F12: variants seen among roughly 807,000 people sequenced by gnomAD.
The protein encoded by F12 is Hageman factor.
Under a neutral mutation model 74.8 loss-of-function variants are expected in F12, and 70 were observed. That is an observed-to-expected ratio of 0.94 (90% CI 0.77 to 1.14). The LOEUF (loss-of-function observed/expected upper bound fraction) is 1.14, where lower values mean the gene tolerates loss of function less well. Among genes scored for constraint, F12 ranks in the 50% most tolerant of loss-of-function variants. The probability of loss-of-function intolerance (pLI) is 0.00; values close to 1 mark genes in which losing one functional copy is unlikely to be tolerated. For synonymous variants in F12, 373 were observed against 356.4 expected (o/e 1.05, Z -0.52); for missense variants, 811 against 835.7 (o/e 0.97, Z 0.36).
At chr5:177,408,792 G>A (rs922043158) in intron 2 of F12, among the ~76,000 whole-genome samples, 22 of 152,262 alleles carry the variant, frequency 1.4e-4, no homozygotes, top group Non-Finnish European at 2.2e-4. Context: ...AACTGAGGAA[G>A]GCTGGCAGGA....
In F12 at chr5:177,404,332, C is replaced by G; in HGVS notation, c.882G>C (p.Gln294His). 1 of 1,610,342 alleles carries G rather than the reference C, an allele frequency of 6.2e-7. No individual in the cohort carries two copies. The highest frequency in any genetic ancestry group is 1.3e-5 in the African/African-American group (1 of 74,988). ...GCGCCGCCTGGGTTGGGGTCTGGCACTGTGCCAGGTCGCAGTACTCCCAGC... is the reference window on the plus strand; with the variant it reads ...GCGCCGCCTGGGTTGGGGTCTGGCAGTGTGCCAGGTCGCAGTACTCCCAGC... ...RLSWEYCDLA[Q>H]CQTPTQAAPP... is the part of the protein sequence containing the mutation. Residue 294 changes from glutamine to histidine, a missense_variant, in exon 9 of 14, where the codon CAG becomes CAC. By Grantham distance (24) the Gln-to-His change is conservative. Transcript: ENST00000253496.
Position 177,402,397 on chromosome 5 carries a change from T to C in F12, c.1743A>G (p.Gln581=). The part of the protein sequence containing the change: ...DQAAERRLTL[Q]GIISWGSGCG... ...AGCCCGATCCCCAGCTGATGATGCC[T>C]TGCAGGGTGAGCCGGCGCTCTGCAG... Residue 581 remains glutamine, a synonymous_variant, in exon 14 of 14, where the codon CAA becomes CAG. Transcript: ENST00000253496. The C allele has an allele frequency of 6.2e-7, 1 of 1,613,420 alleles. No homozygotes were observed.
Position 177,402,287 on chromosome 5 carries a change from AG to A in F12, c.*4del, listed in dbSNP as rs1195888671. 1.2e-6 allele frequency: 2 copies of A among 1,613,586 alleles called. No homozygotes were observed. The highest frequency in any genetic ancestry group is 2.2e-5 in the South Asian group (2 of 91,032). On this transcript the variant is annotated 3_prime_UTR_variant, in exon 14 of 14. Coordinates refer to ENST00000253496, the MANE Select transcript of F12 (RefSeq NM_000505.4). ...CCAAGGAGGGAAAGATGAGTCCCTG[AG>A]CAATCAGGAAACGGTGTGCTCCCGG...
intron 1 of F12, 130 bp downstream of exon 1, chr5:177,409,341 G>T: frequency 8.7e-7 from 1 of 1,153,678 alleles, no homozygotes; most frequent in Non-Finnish European, 1.3e-6. Context: ...CTTCCGGGCT[G>T]GCCTCACCTT....
intron 12 of F12, 36 bp from the exon 13 acceptor site, chr5:177,402,734 G>A: frequency 6.2e-7 from 1 of 1,608,348 alleles, no homozygotes; most frequent in Non-Finnish European, 8.5e-7. Flanking sequence ...CACCCCATCT[G>A]ACAACGCTTG....
Position 177,404,532 on chromosome 5 carries a change from C to T in F12, c.767G>A (p.Arg256Gln), listed in dbSNP as rs754431650. 13 of 1,599,424 alleles carry T rather than the reference C, an allele frequency of 8.1e-6. No homozygotes were observed. Among genetic ancestry groups the T allele is most frequent in the African/African-American group, 4.0e-5 (3 of 74,732 alleles). ...GGCGTGGCCGCCCAGTCCCCAGTTC[C>T]GCGCTTGCTCGGCAGTCACGTTCCG... ...TYRNVTAEQA[R>Q]NWGLGGHAFC... The change falls in exon 8 of 14, where the codon CGG becomes CAG. Residue 256 changes from arginine (R) to glutamine (Q), a missense_variant. Coordinates refer to ENST00000253496, the MANE Select transcript of F12 (RefSeq NM_000505.4).
chr5:177,404,782 C>T lies in F12; in HGVS notation c.634+28G>A, dbSNP rs770822644. 4 of 1,589,040 alleles carry T rather than the reference C, an allele frequency of 2.5e-6. No homozygotes were observed. The East Asian group carries it at 9.2e-5, about 36-fold the overall frequency. On this transcript the variant is annotated intron_variant, in intron 7 of 13. Transcript: ENST00000253496. The stretch of plus-strand genomic sequence containing the variant: ...AAGCCCGTCCCACCTGGGGGCTGGC[C>T]TTCTGCTTGCCCCAGACCCTCACTC...
At position 177,402,218 on chromosome 5, in the gene F12, A is replaced by G; in HGVS notation, c.*74T>C. On this transcript the variant is annotated 3_prime_UTR_variant, in exon 14 of 14. Transcript: ENST00000253496. The stretch of plus-strand genomic sequence containing the variant: ...TGGCCGCACTGGGGGAATGGGACAC[A>G]ATCTTGCCTTCCATGCCCCAGCCAC... 6.3e-7 allele frequency: 1 copy of G among 1,582,080 alleles called. No individual in the cohort carries two copies. Among genetic ancestry groups the G allele is most frequent in the Non-Finnish European group, 8.6e-7 (1 of 1,162,042 alleles).
rs1241089848 is a variant in F12 at position 177,404,390 on chromosome 5, G to A, written c.824C>T (p.Pro275Leu). ...GTCGCGGTTCAGCACGAAGCACCAC[G>A]GGCGGATGTCGTTGTCCGGGTTCCT... is the stretch of plus-strand genomic sequence containing the variant. ...FCRNPDNDIR[P>L]WCFVLNRDRL... The change falls in exon 9 of 14, where the codon CCG becomes CTG. Residue 275 changes from proline (P) to leucine (L), a missense_variant. By Grantham distance (98) the Pro-to-Leu change is moderately conservative. Transcript: ENST00000253496. The A allele has an allele frequency of 6.2e-7, 1 of 1,612,110 alleles. No individual in the cohort carries two copies. Among genetic ancestry groups the A allele is most frequent in the Non-Finnish European group, 8.5e-7 (1 of 1,179,696 alleles).
At position 177,405,165 on chromosome 5, in the gene F12, GC is replaced by G. The variant is rs1486537739; in HGVS notation, c.417del (p.Gln139HisfsTer52). The G allele has an allele frequency of 6.2e-7, 1 of 1,613,882 alleles. No individual in the cohort carries two copies. Among genetic ancestry groups the G allele is most frequent in the Non-Finnish European group, 8.5e-7 (1 of 1,180,038 alleles). On this transcript the variant is annotated frameshift_variant, in exon 6 of 14. Transcript: ENST00000253496. LOFTEE classifies it high-confidence loss of function. Reference protein sequence around the residue: ...HCQKEKCFEPQLLRFFHKNEI... With the variant: ...HCQKEKCFEPXLLRFFHKNEI... ...TCATTCTTGTGGAAAAACCGGAGAA[GC>G]TGAGGCTCAAAGCACTTCTCTGGGG... is the stretch of plus-strand genomic sequence containing the variant.
At chr5:177,403,744 A>T in intron 10 of F12, 115 bp downstream of exon 10, 1 of 1,479,756 alleles carries the variant, frequency 6.8e-7, no homozygotes, top group Non-Finnish European at 9.0e-7. Context: ...AGGGGCGTGG[A>T]AAGAAGGGTG....
At chr5:177,406,351 T>C (rs1056555861) in intron 2 of F12, among the ~76,000 whole-genome samples, 2 of 151,658 alleles carry the variant, frequency 1.3e-5, no homozygotes, top group African/African-American at 2.4e-5. Flanking sequence ...TAGCTGGGGG[T>C]GGTGGCAGGT....
Position 177,403,990 on chromosome 5 carries a change from G to T in F12, c.1119C>A (p.Val373=). 6.2e-7 allele frequency: 1 copy of T among 1,602,978 alleles called. No individual in the cohort carries two copies. The change falls in exon 10 of 14, where the codon GTC becomes GTA. Residue 373 remains valine (V), a synonymous_variant. Transcript: ENST00000253496. ...CGCGTAGCGCCACCAGCCCGCCAAC[G>T]ACGCGGGTCATCGAAGACAGACTCT... is the stretch of plus-strand genomic sequence containing the variant. The part of the protein sequence containing the change: ...LRKSLSSMTR[V]VGGLVALRGA...
chr5:177,404,263 G>A lies in F12; in HGVS notation c.951C>T (p.Pro317=), dbSNP rs1763225515. The A allele has an allele frequency of 1.3e-6, 2 of 1,594,748 alleles. No individual in the cohort carries two copies. The highest frequency in any genetic ancestry group is 1.7e-6 in the Non-Finnish European group (2 of 1,169,606). ...GAGGCTTCGGCGGTGCCGGCTGCGC[G>A]GGCATGAGTGGGACATGAAGCCTAG... ...VSPRLHVPLM[P]AQPAPPKPQP... The change falls in exon 9 of 14, where the codon CCC becomes CCT. Residue 317 remains proline (P), a synonymous_variant. Transcript: ENST00000253496.
chr5:177,405,038 C>T lies in F12; in HGVS notation c.529+16G>A. 3 of 1,610,870 alleles carry T rather than the reference C, an allele frequency of 1.9e-6. No homozygotes were observed. The highest frequency in any genetic ancestry group is 2.5e-6 in the Non-Finnish European group (3 of 1,179,786). On this transcript the variant is annotated intron_variant, in intron 6 of 13. Transcript: ENST00000253496. ...CCTGACGCTCCTCCCTGGCCCGTTC[C>T]CAACCATCTGCTCACCCTGGCTGGC...
chr5:177,406,166 T>C, intron 2 of F12, 105 bp from the exon 3 acceptor site: 1 of 1,078,996 alleles, frequency 9.3e-7, no homozygotes, highest in Non-Finnish European at 1.4e-6. Flanking sequence ...AAAAGGTCGC[T>C]GTGCATTGAA....
chr5:177,404,509 C>T lies in F12; in HGVS notation c.790G>A (p.Ala264Thr), dbSNP rs762786433. The T allele has an allele frequency of 3.8e-6, 6 of 1,592,488 alleles. No homozygotes were observed. Among genetic ancestry groups the T allele is most frequent in the South Asian group, 2.2e-5 (2 of 89,012 alleles). The stretch of plus-strand genomic sequence containing the variant: ...CCCCACGCGGCGCACCGGCAGAAGG[C>T]GTGGCCGCCCAGTCCCCAGTTCCGC... Reference protein sequence around the residue: ...QARNWGLGGHAFCRNPDNDIR... With the variant: ...QARNWGLGGHTFCRNPDNDIR... Residue 264 changes from alanine to threonine, a missense_variant, in exon 8 of 14, where the codon GCC (alanine) becomes ACC (threonine). Ala to Thr is a moderately conservative substitution (Grantham distance 58). Coordinates refer to ENST00000253496, the MANE Select transcript of F12 (RefSeq NM_000505.4).
At chr5:177,408,915 T>C in intron 2 of F12, 131 bp downstream of exon 2, 1 of 873,484 alleles carries the variant, frequency 1.1e-6, no homozygotes, top group South Asian at 1.4e-5. Flanking sequence ...CAGCTCACGA[T>C]CACTCTAGTG....
chr5:177,403,452 T>TC, intron 11 of F12, 29 bp downstream of exon 11: 1 of 1,560,480 alleles, frequency 6.4e-7, no homozygotes, highest in South Asian at 1.1e-5. Flanking sequence ...CAAGCTCTCT[T>TC]CCCGTCCCCG....
Sources: allele counts gnomAD v4.1 joint callset (sites outside exome capture counted in the v4.1 genomes callset), GRCh38; gene constraint gnomAD v4.1.1; transcripts MANE v1.5; gene names NCBI Gene and HGNC (gene_info 2026-07-23, HGNC 2026-07-21).